Variants in RBPJ observed in about 807,000 individuals in gnomAD.
RBPJ encodes recombining binding protein suppressor of hairless.
Under a neutral mutation model 67.8 loss-of-function variants are expected in RBPJ, and 9 were observed. The observed-to-expected ratio is 0.13, with a 90% CI of 0.08 to 0.23. The LOEUF (loss-of-function observed/expected upper bound fraction) is 0.23, where lower values mean the gene tolerates loss of function less well. Among genes scored for constraint, RBPJ ranks in the 10% least tolerant of loss-of-function variants. The pLI, the probability that RBPJ is intolerant of heterozygous loss-of-function variation, is 1.00. For synonymous variants in RBPJ, 198 were observed against 203.3 expected, an observed-to-expected ratio of 0.97 and a Z score of 0.22; for missense variants, 305 against 595.6, an observed-to-expected ratio of 0.51 and a Z score of 5.08.
chr4:26,244,353 A>G lies in RBPJ; in HGVS notation c.-167+80739A>G, dbSNP rs1472105493. Among the ~76,000 whole-genome samples, 28 of 44,638 alleles carry G rather than the reference A, an allele frequency of 6.3e-4. 1 individual carries two copies. Among genetic ancestry groups the G allele is most frequent in the African/African-American group, 1.5e-3 (18 of 12,334 alleles). The allele number at this position is 44,638 out of a possible 152,430, so 29.3% of individuals were successfully genotyped here. The stretch of plus-strand genomic sequence containing the variant: ...CATATGTGTACACATATGTGTGTAT[A>G]TATATGTATGCACATATGTGTACAC... On this transcript the variant is annotated intron_variant, in intron 1 of 4. Coordinates refer to the RBPJ transcript ENST00000512351.
chr4:26,222,368 G>A (rs1025764936), intron 1 of RBPJ, among the ~76,000 whole-genome samples: 3 of 151,490 alleles, frequency 2.0e-5, no homozygotes, highest in Admixed American at 6.6e-5. Context: ...GGTGGCGGCC[G>A]CCTATAATCC....
At chr4:26,183,261 G>A (rs1197919493) in intron 1 of RBPJ, among the ~76,000 whole-genome samples, 1 of 152,188 alleles carries the variant, frequency 6.6e-6, no homozygotes, top group African/African-American at 2.4e-5. Flanking sequence ...TTGTCACTAG[G>A]CGATAGGAAG....
At chr4:26,297,122 C>T (rs957635090) in intron 1 of RBPJ, among the ~76,000 whole-genome samples, 6 of 152,108 alleles carry the variant, frequency 3.9e-5, no homozygotes, top group South Asian at 2.1e-4. Flanking sequence ...CAGCGAGCCC[C>T]GGTTTCTATG....
intron 1 of RBPJ, among the ~76,000 whole-genome samples, chr4:26,325,777 A>G (rs1577441100): frequency 6.6e-6 from 1 of 152,226 alleles, no homozygotes; most frequent in East Asian, 1.9e-4. Flanking sequence ...ACATCTCTGC[A>G]TGAGCCCAGC....
At chr4:26,214,921 A>AAAGGAAGGAAGGAGGGAGGGAGGAAGG (rs1718612549) in intron 1 of RBPJ, among the ~76,000 whole-genome samples, 4 of 75,462 alleles carry the variant, frequency 5.3e-5, no homozygotes, top group Non-Finnish European at 1.3e-4. Flanking sequence ...AAAAGAGAAA[A>AAAGGAAGGAAGGAGGGAGGGAGGAAGG]AAGGAAGGAA....
At chr4:26,411,383 T>C (rs1733995562) in intron 3 of RBPJ, among the ~76,000 whole-genome samples, 1 of 152,002 alleles carries the variant, frequency 6.6e-6, no homozygotes, top group Admixed American at 6.5e-5. Flanking sequence ...TTTGTATATA[T>C]GCTGACTTTT....
At chr4:26,348,264 T>G (rs1041025328) in intron 1 of RBPJ, among the ~76,000 whole-genome samples, 1 of 152,106 alleles carries the variant, frequency 6.6e-6, no homozygotes, top group Non-Finnish European at 1.5e-5. Flanking sequence ...GTGCCCGGCC[T>G]GCTGTTTCAT....
intron 1 of RBPJ, among the ~76,000 whole-genome samples, chr4:26,344,321 G>A (rs1725892399): frequency 6.6e-6 from 1 of 152,210 alleles, no homozygotes; most frequent in South Asian, 2.1e-4. Flanking sequence ...TGCAAGCTCT[G>A]CCTCCCGGGT....
the RBPJ span, among the ~76,000 whole-genome samples, chr4:26,135,208 T>C: frequency 6.6e-6 from 1 of 152,116 alleles, no homozygotes; most frequent in African/African-American, 2.4e-5. Flanking sequence ...CTCTCTCCAT[T>C]ACTAAAGAAA....
chr4:26,211,690 C>T (rs148322118), intron 1 of RBPJ, among the ~76,000 whole-genome samples: 5 of 152,234 alleles, frequency 3.3e-5, no homozygotes, highest in East Asian at 1.9e-4. Flanking sequence ...ACCTTCCATT[C>T]GGGTAGACAG....
intron 1 of RBPJ, among the ~76,000 whole-genome samples, chr4:26,300,067 CA>C (rs1577403797): frequency 1.3e-5 from 2 of 152,196 alleles, no homozygotes; most frequent in East Asian, 1.9e-4. Flanking sequence ...TGTTGGTTAA[CA>C]GATATAAATT....
At position 26,420,706 on chromosome 4, in the gene RBPJ, G is replaced by T; in HGVS notation, c.477G>T (p.Gln159His). 2 of 1,611,616 alleles carry T rather than the reference G, an allele frequency of 1.2e-6. No individual in the cohort carries two copies. The highest frequency in any genetic ancestry group is 1.7e-6 in the Non-Finnish European group (2 of 1,179,226). Residue 159 changes from glutamine to histidine, a missense_variant, in exon 5 of 11, where the codon CAG (glutamine) becomes CAT (histidine). Physicochemically the swap from Gln to His is conservative, Grantham distance 24 (BLOSUM62 0). This residue lies in a region of RBPJ where 66 missense variants were observed against 226.0 expected (regional missense o/e 0.29). Transcript: ENST00000355476. ...KVISKPSKKKQSLKNADLCIA... is the reference protein window; with the variant it reads ...KVISKPSKKKHSLKNADLCIA... ...TCTCCAAACCTTCCAAAAAGAAGCA[G>T]TCATTGAAAAATGCTGACTGTATGT...
At chr4:26,369,664 A>G (rs940748654) in intron 1 of RBPJ, among the ~76,000 whole-genome samples, 2 of 152,120 alleles carry the variant, frequency 1.3e-5, no homozygotes, top group South Asian at 4.1e-4. Context: ...AAACATTTCC[A>G]TATTTGGGGC....
At chr4:26,350,624 A>G (rs1726696203) in intron 1 of RBPJ, among the ~76,000 whole-genome samples, 1 of 152,228 alleles carries the variant, frequency 6.6e-6, no homozygotes, top group Admixed American at 6.5e-5. Context: ...ATTAAAGGAC[A>G]TTAAGAGGTG....
At chr4:26,220,517 CAG>C (rs1414246147) in intron 1 of RBPJ, among the ~76,000 whole-genome samples, 1 of 152,136 alleles carries the variant, frequency 6.6e-6, no homozygotes, top group Non-Finnish European at 1.5e-5. Context: ...CATGCCCGGA[CAG>C]AGTTTATATG....
intron 2 of RBPJ, among the ~76,000 whole-genome samples, chr4:26,400,983 G>A (rs1305384782): frequency 6.6e-6 from 1 of 152,222 alleles, no homozygotes; most frequent in African/African-American, 2.4e-5. Context: ...TAACATGCCT[G>A]ATCATTCATT....
chr4:26,243,091 G>A (rs1404222285), intron 1 of RBPJ, among the ~76,000 whole-genome samples: 6 of 152,108 alleles, frequency 3.9e-5, no homozygotes, highest in Non-Finnish European at 1.5e-5. Flanking sequence ...GCCGGGCATG[G>A]TGGCCGGCGC....
At chr4:26,194,971 C>G (rs1025581089) in intron 1 of RBPJ, among the ~76,000 whole-genome samples, 1 of 152,228 alleles carries the variant, frequency 6.6e-6, no homozygotes, top group African/African-American at 2.4e-5. Flanking sequence ...TCTTTCTGAA[C>G]TGATTCATAG....
At chr4:26,120,139 TAGAG>T in the RBPJ span, among the ~76,000 whole-genome samples, 1 of 152,110 alleles carries the variant, frequency 6.6e-6, no homozygotes, top group African/African-American at 2.4e-5. Flanking sequence ...GAGCAGAAAG[TAGAG>T]AGAGTGGAAA....
Sources: allele counts gnomAD v4.1 joint callset (sites outside exome capture counted in the v4.1 genomes callset), GRCh38; gene constraint gnomAD v4.1.1; regional missense constraint gnomAD v4.1.1; transcripts MANE v1.5; gene names NCBI Gene and HGNC (gene_info 2026-07-23, HGNC 2026-07-21).